Variants in RIMS2 observed in about 807,000 individuals in gnomAD.
RIMS2 encodes the protein regulating synaptic membrane exocytosis protein 2.
A neutral mutation model predicts 174.4 loss-of-function variants in RIMS2; 59 were observed. That is an observed-to-expected ratio of 0.34 (90% CI 0.27 to 0.42). The LOEUF is 0.42. RIMS2 is among the 10% of genes least tolerant of loss of function. The pLI is 1.00. For synonymous variants in RIMS2, 606 were observed against 572.5 expected (o/e 1.06, Z -0.84); for missense variants, 1,620 against 1,666.3 (o/e 0.97, Z 0.48).
intron 3 of RIMS2, among the ~76,000 whole-genome samples, chr8:103,795,357 C>G (rs1482081388): frequency 6.6e-6 from 1 of 151,016 alleles, no homozygotes; most frequent in Non-Finnish European, 1.5e-5. Context: ...GCTAGATGTT[C>G]TCACTCATAG....
chr8:104,091,530 C>G lies in RIMS2; in HGVS notation c.3334+76915C>G, dbSNP rs2097657617. Among the ~76,000 whole-genome samples the G allele has an allele frequency of 4.0e-5, 6 of 150,680 alleles. No individual in the cohort carries two copies. In the Admixed American group the frequency reaches 4.0e-4, roughly 10 times the overall value. ...AAAAAACATATAAGTAAAATGAAAGCCTTCCATATATACCTTACCTTGAGA... is the reference window on the plus strand; with the variant it reads ...AAAAAACATATAAGTAAAATGAAAGGCTTCCATATATACCTTACCTTGAGA... On this transcript the variant is annotated intron_variant, in intron 19 of 23. Transcript: ENST00000504942.
At chr8:103,929,217 CTG>C (rs1365691982) in intron 11 of RIMS2, among the ~76,000 whole-genome samples, 7 of 151,636 alleles carry the variant, frequency 4.6e-5, no homozygotes, top group African/African-American at 1.7e-4. Context: ...TATGTTTACT[CTG>C]TATGAGAAAT....
chr8:104,102,054 A>G (rs1287026052), intron 19 of RIMS2, among the ~76,000 whole-genome samples: 5 of 152,104 alleles, frequency 3.3e-5, no homozygotes, highest in Non-Finnish European at 7.4e-5. Flanking sequence ...CATGGCTTCA[A>G]TGCTTCATGG....
intron 19 of RIMS2, among the ~76,000 whole-genome samples, chr8:104,124,164 T>G (rs1233225337): frequency 2.0e-5 from 3 of 152,142 alleles, no homozygotes; most frequent in Admixed American, 6.5e-5. Flanking sequence ...CTTAAGTGTA[T>G]GGTAATCAGA....
At chr8:103,511,721 A>G (rs972017879) in intron 1 of RIMS2, among the ~76,000 whole-genome samples, 5 of 152,244 alleles carry the variant, frequency 3.3e-5, no homozygotes, top group African/African-American at 1.2e-4. Context: ...TGCAGTTGAC[A>G]GTATGTTAGG....
At chr8:103,548,749 T>C (rs915402237) in intron 1 of RIMS2, among the ~76,000 whole-genome samples, 7 of 152,176 alleles carry the variant, frequency 4.6e-5, no homozygotes, top group African/African-American at 1.4e-4. Context: ...GCCAACAATA[T>C]GATTCTATAC....
At chr8:103,795,975 CT>C (rs2098547332) in intron 3 of RIMS2, among the ~76,000 whole-genome samples, 1 of 152,170 alleles carries the variant, frequency 6.6e-6, no homozygotes, top group African/African-American at 2.4e-5. Context: ...CCTAGCCCAT[CT>C]TATTGCACCA....
chr8:103,624,187 C>T (rs1015104651), intron 1 of RIMS2, among the ~76,000 whole-genome samples: 2 of 152,106 alleles, frequency 1.3e-5, no homozygotes, highest in African/African-American at 2.4e-5. Context: ...AATGTGTTTC[C>T]AGTTGAGATT....
chr8:104,099,473 C>T (rs1338527872), intron 19 of RIMS2, among the ~76,000 whole-genome samples: 1 of 152,168 alleles, frequency 6.6e-6, no homozygotes, highest in African/African-American at 2.4e-5. Flanking sequence ...GTGCATAACA[C>T]TCAACTGGGA....
chr8:104,044,222 G>T (rs1271971772), intron 19 of RIMS2, among the ~76,000 whole-genome samples: 1 of 151,596 alleles, frequency 6.6e-6, no homozygotes, highest in South Asian at 2.1e-4. Flanking sequence ...AGATTAGGAG[G>T]TCTCTAAGCA....
At chr8:103,569,045 C>T in intron 1 of RIMS2, 1 of 392,646 alleles carries the variant, frequency 2.5e-6, no homozygotes, top group Non-Finnish European at 4.6e-6. Context: ...TTTTGATGTC[C>T]AATTTATCTT....
intron 1 of RIMS2, among the ~76,000 whole-genome samples, chr8:103,607,427 C>G (rs1209781033): frequency 6.6e-6 from 1 of 151,638 alleles, no homozygotes; most frequent in Non-Finnish European, 1.5e-5. Flanking sequence ...CTCTGGCTGC[C>G]CTTAACATTT....
rs1419383578 is a variant in RIMS2, at chr8:104,205,608, G to GTGTTTTTAGGTCTACCTATATTAA, written c.3335-39306_3335-39283dup. On this transcript the variant is annotated intron_variant, in intron 19 of 23. Transcript: ENST00000504942. ...CTTCTATACCAGTGTTTATTGGTGT[G>GTGTTTTTAGGTCTACCTATATTAA]TGTTTTTAGGTCTACCTATATTAAT... 6.6e-5 allele frequency among the ~76,000 whole-genome samples: 10 copies of GTGTTTTTAGGTCTACCTATATTAA among 152,224 alleles called. No homozygotes were observed. In the East Asian group the frequency reaches 1.9e-3, roughly 29 times the overall value.
intron 1 of RIMS2, among the ~76,000 whole-genome samples, chr8:103,631,416 G>T (rs1024886572): frequency 1.3e-5 from 2 of 152,132 alleles, no homozygotes; most frequent in Non-Finnish European, 2.9e-5. Flanking sequence ...ATTTTTGTAC[G>T]TTTTGTTGAA....
intron 1 of RIMS2, among the ~76,000 whole-genome samples, chr8:103,524,427 T>C (rs1182084680): frequency 6.6e-6 from 1 of 152,062 alleles, no homozygotes; most frequent in Non-Finnish European, 1.5e-5. Flanking sequence ...ACACTAAATA[T>C]TTTAAACAAA....
chr8:104,249,895 T>G (rs1459741711), intron 22 of RIMS2, among the ~76,000 whole-genome samples: 1 of 152,214 alleles, frequency 6.6e-6, no homozygotes, highest in Non-Finnish European at 1.5e-5. Context: ...TTCTTTTTTC[T>G]TATTAGCTAG....
intron 1 of RIMS2, among the ~76,000 whole-genome samples, chr8:103,557,727 T>C (rs1184004931): frequency 6.6e-6 from 1 of 152,218 alleles, no homozygotes; most frequent in African/African-American, 2.4e-5. Context: ...TTTTCACTTA[T>C]AACTAACTGA....
At chr8:103,516,824 G>A (rs796500743) in intron 1 of RIMS2, among the ~76,000 whole-genome samples, 1 of 152,266 alleles carries the variant, frequency 6.6e-6, no homozygotes, top group African/African-American at 2.4e-5. Context: ...AGGTCGGGGA[G>A]AGGTACTACA....
intron 1 of RIMS2, among the ~76,000 whole-genome samples, chr8:103,513,673 G>A (rs1357221704): frequency 6.6e-6 from 1 of 152,164 alleles, no homozygotes; most frequent in Non-Finnish European, 1.5e-5. Context: ...AAGGAAGTAT[G>A]GGTGTGTGGT....
Sources: gnomAD v4.1 joint callset for allele counts (sites outside exome capture counted in the v4.1 genomes callset) on GRCh38, gnomAD v4.1.1 for gene constraint, MANE v1.5 for transcripts, NCBI Gene and HGNC (gene_info 2026-07-23, HGNC 2026-07-21) for gene names.